Variants in CDH4 observed in about 807,000 individuals in gnomAD.
The protein encoded by CDH4 is cadherin-4.
CDH4 carries 33 observed loss-of-function variants against 86.0 expected under a neutral mutation model. That is an observed-to-expected ratio of 0.38 (90% CI 0.29 to 0.51). The LOEUF is 0.51. Ranked by LOEUF, CDH4 falls within the 20% of genes least tolerant of loss-of-function variation. The probability of loss-of-function intolerance (pLI) is 0.86; values close to 1 mark genes in which losing one functional copy is unlikely to be tolerated. For synonymous variants in CDH4, 555 were observed against 549.4 expected, an observed-to-expected ratio of 1.01 and a Z score of -0.14; for missense variants, 1,114 against 1,307.4, an observed-to-expected ratio of 0.85 and a Z score of 2.28.
In CDH4 at chr20:61,735,630, GC is replaced by G. The variant is rs1225231260; in HGVS notation, c.170-7928del. Reference sequence around the variant, plus strand: ...CACTGCGGGGACTGAGGCCACATCTGCCCCCTCCGCTGGACCCCGTGCTCCC... The same window carrying G: ...CACTGCGGGGACTGAGGCCACATCTGCCCCTCCGCTGGACCCCGTGCTCCC... On this transcript the variant is annotated intron_variant, in intron 2 of 15. Transcript: ENST00000614565. Among the ~76,000 whole-genome samples the G allele has an allele frequency of 3.3e-5, 5 of 152,208 alleles. 1 individual carries two copies. Among genetic ancestry groups the G allele is most frequent in the Admixed American group, 3.3e-4 (5 of 15,284 alleles).
chr20:61,749,456 C>T (rs1036968045), intron 3 of CDH4, among the ~76,000 whole-genome samples: 1 of 152,166 alleles, frequency 6.6e-6, no homozygotes, highest in Non-Finnish European at 1.5e-5. Flanking sequence ...ATTAACCAAG[C>T]AAGTCCCAAC....
chr20:61,405,231 T>C (rs985513377), intron 2 of CDH4, among the ~76,000 whole-genome samples: 7 of 151,646 alleles, frequency 4.6e-5, no homozygotes, highest in Non-Finnish European at 7.4e-5. Context: ...GCAGAAGCCA[T>C]GGTCATCTTT....
At chr20:61,367,899 C>G (rs1048214377) in intron 2 of CDH4, among the ~76,000 whole-genome samples, 1 of 106,704 alleles carries the variant, frequency 9.4e-6, no homozygotes, top group Non-Finnish European at 1.7e-5. Flanking sequence ...GAGATGGAAT[C>G]TTGCTCTGTC....
intron 2 of CDH4, among the ~76,000 whole-genome samples, chr20:61,258,658 G>A (rs939597843): frequency 5.9e-5 from 9 of 152,190 alleles, no homozygotes; most frequent in African/African-American, 1.4e-4. Context: ...TTACATAACC[G>A]TGAGTGCAGA....
At chr20:61,488,328 G>A (rs2085607563) in intron 2 of CDH4, among the ~76,000 whole-genome samples, 1 of 152,184 alleles carries the variant, frequency 6.6e-6, no homozygotes, top group Non-Finnish European at 1.5e-5. Flanking sequence ...GAACAGAACC[G>A]TTTTTAATTT....
chr20:61,257,198 C>G (rs1239012736), intron 2 of CDH4, among the ~76,000 whole-genome samples: 1 of 152,216 alleles, frequency 6.6e-6, no homozygotes, highest in Non-Finnish European at 1.5e-5. Context: ...AGGCCATGAG[C>G]TATCAGCGAC....
rs535146078 is a variant in CDH4, at chr20:61,669,747, C to G, written c.170-73816C>G. The stretch of plus-strand genomic sequence containing the variant: ...TCCTCCCTCTCAATCTTCCCGTACC[C>G]TCCGCTACAAAAGACTTTAATGAAA... On this transcript the variant is annotated intron_variant, in intron 2 of 15. Coordinates refer to ENST00000614565, the MANE Select transcript of CDH4 (RefSeq NM_001794.5). 6.2e-4 allele frequency among the ~76,000 whole-genome samples: 95 copies of G among 152,286 alleles called. 2 individuals carry two copies. Among genetic ancestry groups the G allele is most frequent in the African/African-American group, 2.2e-3 (91 of 41,540 alleles).
Position 61,707,372 on chromosome 20 carries a change from C to A in CDH4, c.170-36191C>A, listed in dbSNP as rs140035994. Among the ~76,000 whole-genome samples, 494 of 152,344 alleles carry A rather than the reference C, an allele frequency of 3.2e-3. 4 individuals are homozygous for A. Among genetic ancestry groups the A allele is most frequent in the African/African-American group, 0.01 (435 of 41,576 alleles). ...TGCGCGGCTTGGACAGTAAAGGAAA[C>A]CTGGGCCTGTTATACAGGGAAAGGA... is the stretch of plus-strand genomic sequence containing the variant. On this transcript the variant is annotated intron_variant, in intron 2 of 15. Transcript: ENST00000614565.
In CDH4 at chr20:61,852,845, C is replaced by T; in HGVS notation, c.824C>T (p.Pro275Leu). Residue 275 changes from proline (P) to leucine (L), a missense_variant, in exon 6 of 16, where the codon CCT becomes CTT. Transcript: ENST00000614565. ...GTCATCGACATGAATGACAACCGCC[C>T]TGAGTTCATCAACCAGGTCTACAAC... ...IYVIDMNDNR[P>L]EFINQVYNGS... The T allele has an allele frequency of 6.2e-7, 1 of 1,614,120 alleles. No individual in the cohort carries two copies. The highest frequency in any genetic ancestry group is 8.5e-7 in the Non-Finnish European group (1 of 1,179,990).
intron 11 of CDH4, among the ~76,000 whole-genome samples, chr20:61,927,660 A>G (rs750894046): frequency 5.9e-5 from 9 of 152,184 alleles, no homozygotes; most frequent in Non-Finnish European, 1.0e-4. Context: ...GATGGGGGCA[A>G]GATGTGGTGG....
chr20:61,619,207 G>A (rs1422288194), intron 2 of CDH4, among the ~76,000 whole-genome samples: 3 of 152,132 alleles, frequency 2.0e-5, no homozygotes, highest in Non-Finnish European at 2.9e-5. Context: ...TGCTGGGTTC[G>A]GTCACCCTGA....
chr20:61,874,548 G>A (rs1253578631), intron 7 of CDH4, among the ~76,000 whole-genome samples: 2 of 152,178 alleles, frequency 1.3e-5, no homozygotes, highest in South Asian at 2.1e-4. Flanking sequence ...GGCCCTGGGC[G>A]GTGGGTGAGG....
intron 3 of CDH4, chr20:61,755,011 G>A (rs2088544425): frequency 6.6e-6 from 1 of 152,278 alleles, no homozygotes; most frequent in African/African-American, 2.4e-5. Flanking sequence ...TGGCTGTGAG[G>A]CCTCAGAATT....
rs1277097416 is a variant in CDH4, at chr20:61,544,159, C to T, written c.170-199404C>T. On this transcript the variant is annotated intron_variant, in intron 2 of 15. Coordinates refer to ENST00000614565, the MANE Select transcript of CDH4 (RefSeq NM_001794.5). The surrounding 1 kb of genome is among the most constrained non-coding windows in gnomAD (Gnocchi z 6.5). ...GTCCGGTCCCACGGCCATGTGGTCT[C>T]TTTAGATCTGCGGTTCTCTTTCAGA... Among the ~76,000 whole-genome samples the T allele has an allele frequency of 1.3e-5, 2 of 152,220 alleles. No individual in the cohort carries two copies. Among genetic ancestry groups the T allele is most frequent in the African/African-American group, 4.8e-5 (2 of 41,466 alleles).
intron 2 of CDH4, among the ~76,000 whole-genome samples, chr20:61,258,329 C>CGAAAAAAA (rs2084110526): frequency 1.6e-5 from 1 of 62,350 alleles, no homozygotes; most frequent in Non-Finnish European, 2.6e-5. Context: ...GACTCCGTCT[C>CGAAAAAAA]AAAAAAAAAA....
intron 2 of CDH4, among the ~76,000 whole-genome samples, chr20:61,282,759 G>A (rs1459283132): frequency 6.6e-6 from 1 of 152,284 alleles, no homozygotes; most frequent in Non-Finnish European, 1.5e-5. Flanking sequence ...GTGATGTGCT[G>A]TGTATGCACA....
At position 61,938,597 on chromosome 20, in the gene CDH4, G is replaced by T. The variant is rs972470782; in HGVS notation, c.*1654G>T. On this transcript the variant is annotated 3_prime_UTR_variant, in exon 16 of 16. Transcript: ENST00000614565. ...GGGAAGGACAGGGAGCCCTCCCGGA[G>T]CCCCACCCTGCACCTGCCACTGGGG... The T allele has an allele frequency of 1.3e-5, 2 of 152,262 alleles. No homozygotes were observed. Among genetic ancestry groups the T allele is most frequent in the African/African-American group, 4.8e-5 (2 of 41,452 alleles). 9.4% of individuals were successfully genotyped at this position (152,262 alleles called of 1,614,324 possible). A position where few individuals can be genotyped will look rare whatever the true frequency, so the allele number is the denominator to read the frequency against.
At chr20:61,522,239 C>T (rs1056707969) in intron 2 of CDH4, among the ~76,000 whole-genome samples, 1 of 152,184 alleles carries the variant, frequency 6.6e-6, no homozygotes, top group African/African-American at 2.4e-5. Context: ...CCTAGCTTAG[C>T]CCCGGACCCA....
chr20:61,591,914 T>C (rs1284755672), intron 2 of CDH4, among the ~76,000 whole-genome samples: 2 of 152,092 alleles, frequency 1.3e-5, no homozygotes, highest in Non-Finnish European at 2.9e-5. Context: ...GACACAAACT[T>C]TCCAAAATTC....
Sources: gnomAD v4.1 joint callset for allele counts (sites outside exome capture counted in the v4.1 genomes callset) on GRCh38, gnomAD v4.1.1 for gene constraint, Gnocchi (gnomAD v3.1) non-coding constraint, MANE v1.5 for transcripts, NCBI Gene and HGNC (gene_info 2026-07-23, HGNC 2026-07-21) for gene names.